CTBP2: variants seen among roughly 807,000 people sequenced by gnomAD.
CTBP2 encodes C-terminal-binding protein 2.
In CTBP2, 30 loss-of-function variants were observed where a neutral mutation model predicts 80.3. That is an observed-to-expected ratio of 0.37 (90% CI 0.28 to 0.51). The LOEUF (loss-of-function observed/expected upper bound fraction) is 0.51. Ranked by LOEUF, CTBP2 falls within the 20% of genes least tolerant of loss-of-function variation. CTBP2 has a pLI of 0.93. For missense variants in CTBP2, 1,212 were observed against 1,375.3 expected (o/e 0.88, Z 1.88); for synonymous variants, 594 against 587.4 (o/e 1.01, Z -0.16).
intron 2 of CTBP2, among the ~76,000 whole-genome samples, chr10:125,064,940 C>T (rs1844399544): frequency 6.6e-6 from 1 of 152,228 alleles, no homozygotes; most frequent in Non-Finnish European, 1.5e-5. Flanking sequence ...ACAAGCTTCC[C>T]CACCTCACTG....
intron 1 of CTBP2, among the ~76,000 whole-genome samples, chr10:125,018,503 C>CCAA (rs71486506): frequency 1.3e-5 from 2 of 150,966 alleles, no homozygotes; most frequent in East Asian, 2.0e-4. Flanking sequence ...AAAACAAAAA[C>CCAA]AAACCAAAAA....
intron 1 of CTBP2, among the ~76,000 whole-genome samples, chr10:125,009,172 G>A (rs1955585599): frequency 6.6e-6 from 1 of 152,104 alleles, no homozygotes; most frequent in Admixed American, 6.5e-5. Flanking sequence ...CCTTTCTGCA[G>A]AAAGTAAAAA....
At chr10:125,142,857 G>A (rs1858067280) in intron 1 of CTBP2, among the ~76,000 whole-genome samples, 1 of 152,164 alleles carries the variant, frequency 6.6e-6, no homozygotes, top group Non-Finnish European at 1.5e-5. Flanking sequence ...CTGAGATGCA[G>A]CTCCGCTTCA....
At chr10:125,076,219 G>A (rs577821619) in intron 2 of CTBP2, among the ~76,000 whole-genome samples, 69 of 152,186 alleles carry the variant, frequency 4.5e-4, no homozygotes, top group Non-Finnish European at 8.4e-4. Context: ...CACAGAAGAC[G>A]ACCCTGAGCA....
Position 125,003,365 on chromosome 10 carries a change from C to T in CTBP2, c.1806G>A (p.Ala602=), listed in dbSNP as rs766200235. Residue 602 remains alanine, a synonymous_variant, in exon 2 of 9, where the codon GCG becomes GCA. Transcript: ENST00000309035. ...TCTCGTGGATTTCCTGCGTCGACTG[C>T]GCGTCACAGAAGGCCACAGTGGCCA... 33 of 1,610,512 alleles carry T rather than the reference C, an allele frequency of 2.0e-5. No individual in the cohort carries two copies. Among genetic ancestry groups the T allele is most frequent in the South Asian group, 1.3e-4 (12 of 90,972 alleles).
chr10:125,014,429 G>A (rs1956267181), intron 1 of CTBP2, among the ~76,000 whole-genome samples: 2 of 152,356 alleles, frequency 1.3e-5, no homozygotes, highest in African/African-American at 4.8e-5. Flanking sequence ...TTCAGCCTGG[G>A]TGACAGAGTG....
In CTBP2 at chr10:125,026,314, C is replaced by T. The variant is rs559795416; in HGVS notation, c.1446G>A (p.Thr482=). The T allele has an allele frequency of 2.9e-5, 47 of 1,613,920 alleles. No homozygotes were observed. Among genetic ancestry groups the T allele is most frequent in the Middle Eastern group, 3.3e-4 (2 of 6,062 alleles). Reference sequence around the variant, plus strand: ...GCAGCTCCATGGGCACCGTGTATGCCGTGGAGTAGGCTGTTCTGGGGCCTG... The same window carrying T: ...GCAGCTCCATGGGCACCGTGTATGCTGTGGAGTAGGCTGTTCTGGGGCCTG... Residue 482 remains threonine, a synonymous_variant, in exon 1 of 9, where the codon ACG becomes ACA. Coordinates refer to ENST00000309035, the MANE Select transcript of CTBP2 (RefSeq NM_022802.3).
At chr10:125,087,468 T>C (rs919336777) in intron 2 of CTBP2, among the ~76,000 whole-genome samples, 1 of 152,102 alleles carries the variant, frequency 6.6e-6, no homozygotes, top group African/African-American at 2.4e-5. Flanking sequence ...AAGACATCCA[T>C]GAGGACGAAT....
chr10:125,009,728 G>T (rs966469366), intron 1 of CTBP2, among the ~76,000 whole-genome samples: 1 of 152,176 alleles, frequency 6.6e-6, no homozygotes, highest in Non-Finnish European at 1.5e-5. Context: ...AGATTCTGAT[G>T]CTGGGACGTA....
At chr10:125,067,309 G>A (rs1436324908) in intron 2 of CTBP2, among the ~76,000 whole-genome samples, 2 of 152,186 alleles carry the variant, frequency 1.3e-5, no homozygotes, top group African/African-American at 2.4e-5. Flanking sequence ...GAGAAAGACA[G>A]TGACATACAA....
At chr10:124,993,050 C>G in intron 7 of CTBP2, 152 bp downstream of exon 9, 1 of 1,027,300 alleles carries the variant, frequency 9.7e-7, no homozygotes, top group Non-Finnish European at 1.4e-6. Flanking sequence ...TAGTTCAGGG[C>G]TTACGTAAAT....
At chr10:125,034,218 C>CGGGAGGG (rs1958589003) in intron 3 of CTBP2, among the ~76,000 whole-genome samples, 1 of 152,206 alleles carries the variant, frequency 6.6e-6, no homozygotes, top group Non-Finnish European at 1.5e-5. Flanking sequence ...TCTATGAACC[C>CGGGAGGG]CATCCCCAGA....
At chr10:125,152,585 G>A (rs758963037) in intron 1 of CTBP2, among the ~76,000 whole-genome samples, 14 of 152,244 alleles carry the variant, frequency 9.2e-5, no homozygotes, top group Non-Finnish European at 1.3e-4. Flanking sequence ...GCGTCGTGAA[G>A]ATTAATGACT....
intron 1 of CTBP2, among the ~76,000 whole-genome samples, chr10:125,145,133 T>C (rs961800539): frequency 6.6e-6 from 1 of 152,246 alleles, no homozygotes; most frequent in African/African-American, 2.4e-5. Flanking sequence ...CCATTTTTCA[T>C]GCCAAATGTT....
intron 1 of CTBP2, chr10:125,133,642 T>C (rs1479242358): frequency 6.6e-6 from 1 of 152,124 alleles, no homozygotes; most frequent in Non-Finnish European, 1.5e-5. Context: ...GTTTGGAGGG[T>C]GTAATTAGAA....
At chr10:125,099,025 G>T (rs554061174) in intron 2 of CTBP2, among the ~76,000 whole-genome samples, 2 of 152,162 alleles carry the variant, frequency 1.3e-5, no homozygotes, top group African/African-American at 2.4e-5. Context: ...ACGCGCTGTC[G>T]GTCTGCAAGC....
At chr10:125,019,677 C>T (rs1454024095) in intron 1 of CTBP2, among the ~76,000 whole-genome samples, 1 of 152,178 alleles carries the variant, frequency 6.6e-6, no homozygotes, top group Non-Finnish European at 1.5e-5. Context: ...CAGATCAAGA[C>T]CTCAATGTCA....
intron 2 of CTBP2, among the ~76,000 whole-genome samples, chr10:125,052,060 T>C (rs140134303): frequency 1.6e-3 from 238 of 152,308 alleles, no homozygotes; most frequent in African/African-American, 5.5e-3. Flanking sequence ...CTGTGGAACC[T>C]TCTTTCAGCA....
chr10:125,009,252 C>T (rs1470267046), intron 1 of CTBP2, among the ~76,000 whole-genome samples: 2 of 152,218 alleles, frequency 1.3e-5, no homozygotes, highest in African/African-American at 4.8e-5. Context: ...ACGAGCATTC[C>T]AAACAGAGCC....
Sources: allele counts gnomAD v4.1 joint callset (sites outside exome capture counted in the v4.1 genomes callset), GRCh38; gene constraint gnomAD v4.1.1; transcripts MANE v1.5; gene names NCBI Gene and HGNC (gene_info 2026-07-23, HGNC 2026-07-21).